Variants in BSN observed in about 807,000 individuals in gnomAD.
BSN encodes bassoon presynaptic cytomatrix protein, also known as protein bassoon.
A neutral mutation model predicts 264.8 loss-of-function variants in BSN; 57 were observed. That is an observed-to-expected ratio of 0.22 (90% CI 0.17 to 0.27). BSN has a LOEUF of 0.27. Among genes scored for constraint, BSN ranks in the 10% least tolerant of loss-of-function variants. The pLI is 1.00. For missense variants in BSN, 4,615 were observed against 5,232.5 expected (o/e 0.88, Z 3.64); for synonymous variants, 2,059 against 2,137.3 (o/e 0.96, Z 1.01).
intron 2 of BSN, among the ~76,000 whole-genome samples, chr3:49,639,204 T>C (rs2052442326): frequency 1.3e-5 from 2 of 149,652 alleles, no homozygotes; most frequent in African/African-American, 4.9e-5. Context: ...TTTTTCTTTT[T>C]TTTTTTTTTT....
Position 49,657,280 on chromosome 3 carries a change from G to C in BSN, c.7724G>C (p.Cys2575Ser). 1 of 1,613,424 alleles carries C rather than the reference G, an allele frequency of 6.2e-7. No homozygotes were observed. The highest frequency in any genetic ancestry group is 1.1e-5 in the South Asian group (1 of 91,088). The change falls in exon 5 of 12, where the codon TGT (cysteine) becomes TCT (serine). Residue 2575 changes from cysteine to serine, a missense_variant. Transcript: ENST00000296452. ...ACELESGTEP[C>S]VVRRIADSSV... ...GAGCTAGAGTCTGGGACTGAGCCCT[G>C]TGTGGTCAGGAGGATTGCCGACAGC... is the stretch of plus-strand genomic sequence containing the variant.
Position 49,667,863 on chromosome 3 carries a change from C to T in BSN, c.*378C>T, listed in dbSNP as rs976997372. The T allele has an allele frequency of 1.3e-5, 2 of 152,464 alleles. No individual in the cohort carries two copies. The highest frequency in any genetic ancestry group is 4.8e-5 in the African/African-American group (2 of 41,414). The allele number at this position is 152,464 out of a possible 1,614,324, so 9.4% of individuals were successfully genotyped here. On this transcript the variant is annotated 3_prime_UTR_variant, in exon 12 of 12. Coordinates refer to ENST00000296452, the MANE Select transcript of BSN (RefSeq NM_003458.4). ...GTCTTGCCGTACTTCCCACAGCCGC[C>T]TTTTTGCGGCCTGGCCGGCCAGGCT...
rs1181510553 is a variant in BSN at position 49,653,712 on chromosome 3, G to A, written c.4156G>A (p.Val1386Met). 3 of 1,613,940 alleles carry A rather than the reference G, an allele frequency of 1.9e-6. No homozygotes were observed. Among genetic ancestry groups the A allele is most frequent in the Non-Finnish European group, 2.5e-6 (3 of 1,179,954 alleles). Residue 1386 changes from valine to methionine, a missense_variant, in exon 5 of 12, where the codon GTG becomes ATG. Val to Met is a conservative substitution (Grantham distance 21). Transcript: ENST00000296452. This position sits in a 1 kb window ranked among gnomAD's most constrained non-coding sequence, Gnocchi z 6.3. ...QGPGTPATTA[V>M]APCPAGLPRG... ...CCCTGGGACCCCAGCCACCACAGCT[G>A]TGGCTCCTTGTCCAGCTGGGCTGCC...
chr3:49,609,848 G>A (rs1380810190), intron 1 of BSN, among the ~76,000 whole-genome samples: 4 of 152,180 alleles, frequency 2.6e-5, no homozygotes, highest in Non-Finnish European at 5.9e-5. Flanking sequence ...AGCCTGGGAT[G>A]CCCTTGCAGG....
Position 49,652,165 on chromosome 3 carries a change from C to A in BSN, c.2609C>A (p.Ala870Asp), listed in dbSNP as rs1285960793. Residue 870 changes from alanine to aspartate, a missense_variant, in exon 5 of 12, where the codon GCC becomes GAC. Around this residue, in one of 3 missense-constraint regions of BSN, gnomAD observed 1,197 missense variants for 1,348.0 expected, o/e 0.89. Coordinates refer to ENST00000296452, the MANE Select transcript of BSN (RefSeq NM_003458.4). ...DDTATSGRGL[A>D]KHGTQKGGPR... is the part of the protein sequence containing the mutation. The stretch of plus-strand genomic sequence containing the variant: ...ACTGCCACCTCCGGGCGTGGCCTGG[C>A]CAAACATGGCACCCAGAAAGGTGGC... 4 of 1,613,874 alleles carry A rather than the reference C, an allele frequency of 2.5e-6. No individual in the cohort carries two copies. The African/African-American group carries it at 5.3e-5, about 22-fold the overall frequency.
intron 2 of BSN, among the ~76,000 whole-genome samples, chr3:49,628,140 CTG>C (rs2052356573): frequency 6.6e-6 from 1 of 152,220 alleles, no homozygotes; most frequent in Non-Finnish European, 1.5e-5. Flanking sequence ...ACTAGTGAAA[CTG>C]TGCTTGGAAC....
chr3:49,652,811 G>C lies in BSN; in HGVS notation c.3255G>C (p.Arg1085=). 1 of 1,561,754 alleles carries C rather than the reference G, an allele frequency of 6.4e-7. No individual in the cohort carries two copies. The highest frequency in any genetic ancestry group is 8.7e-7 in the Non-Finnish European group (1 of 1,152,350). The change falls in exon 5 of 12, where the codon CGG becomes CGC. Residue 1085 remains arginine, a synonymous_variant. Transcript: ENST00000296452. The stretch of plus-strand genomic sequence containing the variant: ...ACAAGGAAGAACTGCGGGCCCAGCG[G>C]AGGCGAGAGCGCTCCAAGACACCAC... ...RRDKEELRAQ[R]RRERSKTPPS...
At chr3:49,567,565 T>C (rs1035049531) in intron 1 of BSN, among the ~76,000 whole-genome samples, 1 of 152,204 alleles carries the variant, frequency 6.6e-6, no homozygotes, top group Non-Finnish European at 1.5e-5. Flanking sequence ...CTTACGGAGA[T>C]GAGAGACACA....
Position 49,645,986 on chromosome 3 carries a change from G to A in BSN, c.1518+2834G>A, listed in dbSNP as rs547178076. ...CCCCCCTCATAGCTCCCACAGCCCTGTTAGACCTCCTGGGACTCCACCTGA... is the reference window on the plus strand; with the variant it reads ...CCCCCCTCATAGCTCCCACAGCCCTATTAGACCTCCTGGGACTCCACCTGA... On this transcript the variant is annotated intron_variant, in intron 3 of 11. Transcript: ENST00000296452. Among the ~76,000 whole-genome samples the A allele has an allele frequency of 3.9e-5, 6 of 152,310 alleles. No individual in the cohort carries two copies. The South Asian group carries it at 1.0e-3, about 26-fold the overall frequency.
Position 49,657,749 on chromosome 3 carries a change from G to T in BSN, c.8193G>T (p.Gly2731=). 6.5e-7 allele frequency: 1 copy of T among 1,548,880 alleles called. No homozygotes were observed. The highest frequency in any genetic ancestry group is 8.7e-7 in the Non-Finnish European group (1 of 1,145,752). ...EPDGQAQGVA[G]PQLVGPTAIS... ...ATGGGCAGGCCCAGGGTGTAGCCGG[G>T]CCGCAGCTTGTAGGGCCAACTGCCA... The change falls in exon 5 of 12, where the codon GGG becomes GGT. Residue 2731 remains glycine (G), a synonymous_variant. Transcript: ENST00000296452.
chr3:49,625,014 C>A lies in BSN; in HGVS notation c.264C>A (p.Asn88Lys), dbSNP rs781692056. The A allele has an allele frequency of 8.3e-6, 13 of 1,562,372 alleles. No individual in the cohort carries two copies. The highest frequency in any genetic ancestry group is 9.5e-6 in the Non-Finnish European group (11 of 1,158,350). Residue 88 changes from asparagine to lysine, a missense_variant, in exon 2 of 12, where the codon AAC becomes AAA. This residue lies in a region of BSN where 1,197 missense variants were observed against 1,348.0 expected (regional missense o/e 0.89). Coordinates refer to ENST00000296452, the MANE Select transcript of BSN (RefSeq NM_003458.4). The surrounding 1 kb of genome is among the most constrained non-coding windows in gnomAD (Gnocchi z 4.4). ...RRLDPKEPLGNQRAASPTPKQ... is the reference protein window; with the variant it reads ...RRLDPKEPLGKQRAASPTPKQ... ...TGGACCCCAAGGAACCCCTGGGTAA[C>A]CAGAGAGCAGCTTCCCCAACTCCGA...
chr3:49,661,524 G>A lies in BSN; in HGVS notation c.9679G>A (p.Val3227Ile), dbSNP rs151080649. The change falls in exon 6 of 12, where the codon GTT becomes ATT. Residue 3227 changes from valine to isoleucine, a missense_variant. Val to Ile is a conservative substitution (Grantham distance 29). This residue lies in a region of BSN where 3,415 missense variants were observed against 3,866.4 expected (regional missense o/e 0.88). Coordinates refer to ENST00000296452, the MANE Select transcript of BSN (RefSeq NM_003458.4). ...DSHYTSLEQN[V>I]PRNYVMIDDI... The stretch of plus-strand genomic sequence containing the variant: ...ACACTATACCAGTCTGGAGCAGAAC[G>A]TTCCTCGAAACTACGTAATGATTGA... The A allele has an allele frequency of 5.5e-4, 886 of 1,613,980 alleles. No individual in the cohort carries two copies. The highest frequency in any genetic ancestry group is 1.8e-3 in the African/African-American group (135 of 74,936).
chr3:49,605,385 A>G (rs1298510741), intron 1 of BSN, among the ~76,000 whole-genome samples: 3 of 56,834 alleles, frequency 5.3e-5, no homozygotes, highest in Non-Finnish European at 9.2e-5. Flanking sequence ...ATATATAAAT[A>G]TATATTTTAT....
rs185859353 is a variant in BSN at position 49,584,318 on chromosome 3, T to C, written c.224+29492T>C. Among the ~76,000 whole-genome samples the C allele has an allele frequency of 2.4e-4, 37 of 152,182 alleles. No homozygotes were observed. The East Asian group carries it at 6.9e-3, about 29-fold the overall frequency. On this transcript the variant is annotated intron_variant, in intron 1 of 11. Coordinates refer to ENST00000296452, the MANE Select transcript of BSN (RefSeq NM_003458.4). ...TTTATCTTTTGAAAGAACCATCTTT[T>C]GGTTTTATTGTCTTTCTCTATTTTC...
chr3:49,609,506 A>G (rs1259306863), intron 1 of BSN, among the ~76,000 whole-genome samples: 1 of 152,170 alleles, frequency 6.6e-6, no homozygotes, highest in Non-Finnish European at 1.5e-5. Flanking sequence ...TGCCAACGGC[A>G]CTGCAGGAAG....
rs1032912693 is a variant in BSN at position 49,664,512 on chromosome 3, C to A, written c.11698C>A (p.Leu3900Ile). 6.2e-7 allele frequency: 1 copy of A among 1,611,940 alleles called. No homozygotes were observed. Among genetic ancestry groups the A allele is most frequent in the Admixed American group, 1.7e-5 (1 of 59,714 alleles). The part of the protein sequence containing the change: ...ADGESVFSKI[L>I]PGGAAEQAGK... ...TGGGGAGAGCGTGTTCTCCAAGATC[C>A]TCCCTGGCGGGGCAGCCGAGCAAGC... The change falls in exon 9 of 12, where the codon CTC (leucine) becomes ATC (isoleucine). Residue 3900 changes from leucine (L) to isoleucine (I), a missense_variant. Around this residue, in one of 3 missense-constraint regions of BSN, gnomAD observed 3,415 missense variants for 3,866.4 expected, o/e 0.88. Transcript: ENST00000296452.
At chr3:49,605,438 T>TTA (rs2052108393) in intron 1 of BSN, among the ~76,000 whole-genome samples, 1 of 27,010 alleles carries the variant, frequency 3.7e-5, no homozygotes, top group African/African-American at 1.7e-4. Flanking sequence ...ATAATATATA[T>TTA]TATATATATT....
At chr3:49,664,698 C>G in intron 9 of BSN, 101 bp from the exon 10 acceptor site, 1 of 1,567,672 alleles carries the variant, frequency 6.4e-7, no homozygotes, top group Non-Finnish European at 8.7e-7. Flanking sequence ...CGGGCAATCT[C>G]TGCCCCTTGG....
Position 49,670,676 on chromosome 3 carries a change from C to T in BSN, c.*3191C>T, listed in dbSNP as rs1363933317. ...GGAGTCTCTAGCATGCAGCCCAGGC[C>T]TTCTCCATACCCCTCTCCCCAGCAT... On this transcript the variant is annotated 3_prime_UTR_variant, in exon 12 of 12. Transcript: ENST00000296452. 2 of 152,380 alleles carry T rather than the reference C, an allele frequency of 1.3e-5. No individual in the cohort carries two copies. Among genetic ancestry groups the T allele is most frequent in the Admixed American group, 1.3e-4 (2 of 15,288 alleles). 9.4% of individuals were successfully genotyped at this position (152,380 alleles called of 1,614,324 possible). A position where few individuals can be genotyped will look rare whatever the true frequency, so the allele number is the denominator to read the frequency against.
Sources: gnomAD v4.1 joint callset for allele counts (sites outside exome capture counted in the v4.1 genomes callset) on GRCh38, gnomAD v4.1.1 for gene constraint, gnomAD v4.1.1 regional missense constraint, Gnocchi (gnomAD v3.1) non-coding constraint, MANE v1.5 for transcripts, NCBI Gene and HGNC (gene_info 2026-07-23, HGNC 2026-07-21) for gene names.